DMXL2: variants seen among roughly 807,000 people sequenced by gnomAD.
The protein encoded by DMXL2 is Dmx like 2, also known as dmX-like protein 2.
A neutral mutation model predicts 331.1 loss-of-function variants in DMXL2; 103 were observed. That is an observed-to-expected ratio of 0.31 (90% confidence interval 0.27 to 0.37). The LOEUF (loss-of-function observed/expected upper bound fraction) is 0.37, where lower values mean the gene tolerates loss of function less well. Ranked by LOEUF, DMXL2 falls within the 10% of genes least tolerant of loss-of-function variation. The probability of loss-of-function intolerance (pLI) is 1.00; values close to 1 mark genes in which losing one functional copy is unlikely to be tolerated. For synonymous variants in DMXL2, 1,281 were observed against 1,252.1 expected (o/e 1.02, Z -0.49); for missense variants, 3,171 against 3,642.9 (o/e 0.87, Z 3.33).
chr15:51,589,671 G>A (rs1186440584), intron 1 of DMXL2, among the ~76,000 whole-genome samples: 1 of 152,174 alleles, frequency 6.6e-6, no homozygotes. Context: ...CAAGGCTTTT[G>A]AGCATTAGAT....
At chr15:51,593,593 C>T (rs896351396) in intron 1 of DMXL2, among the ~76,000 whole-genome samples, 9 of 152,186 alleles carry the variant, frequency 5.9e-5, no homozygotes, top group Non-Finnish European at 1.3e-4. Context: ...ACTCTCCACC[C>T]CAAATCAACA....
chr15:51,476,315 G>T (rs1445177851), intron 27 of DMXL2, among the ~76,000 whole-genome samples: 1 of 152,080 alleles, frequency 6.6e-6, no homozygotes, highest in Non-Finnish European at 1.5e-5. Flanking sequence ...TTCTAAGAAA[G>T]ATAATGTGCT....
intron 2 of DMXL2, among the ~76,000 whole-genome samples, chr15:51,570,174 A>G (rs139751177): frequency 8.9e-4 from 135 of 152,238 alleles, no homozygotes; most frequent in African/African-American, 3.1e-3. Flanking sequence ...CGAACTGATC[A>G]AGCAGAAGAA....
At chr15:51,529,845 C>T (rs1237655132) in intron 13 of DMXL2, among the ~76,000 whole-genome samples, 1 of 151,998 alleles carries the variant, frequency 6.6e-6, no homozygotes, top group African/African-American at 2.4e-5. Flanking sequence ...AATATTGATG[C>T]AAAAATCCTA....
chr15:51,488,359 T>C (rs903954588), intron 21 of DMXL2, among the ~76,000 whole-genome samples, 189 bp downstream of exon 21: 3 of 152,230 alleles, frequency 2.0e-5, no homozygotes, highest in African/African-American at 7.2e-5. Context: ...TATCAACTTT[T>C]AAAACATCCC....
intron 23 of DMXL2, among the ~76,000 whole-genome samples, chr15:51,484,369 TGCCC>T (rs2042238738): frequency 6.6e-6 from 1 of 152,182 alleles, no homozygotes; most frequent in Non-Finnish European, 1.5e-5. Flanking sequence ...CCTGAAAAAC[TGCCC>T]AGCGAGCCCA....
chr15:51,605,610 C>T lies in DMXL2; in HGVS notation c.87+16849G>A, dbSNP rs2053535376. 4.9e-5 allele frequency among the ~76,000 whole-genome samples: 2 copies of T among 40,882 alleles called. 1 individual carries two copies. Among genetic ancestry groups the T allele is most frequent in the South Asian group, 1.5e-3 (2 of 1,340 alleles). The allele number at this position is 40,882 out of a possible 152,430, so 26.8% of individuals were successfully genotyped here. A position where few individuals can be genotyped will look rare whatever the true frequency, so the allele number is the denominator to read the frequency against. The stretch of plus-strand genomic sequence containing the variant: ...GGACTGCGGACTGCAGTGGCGCAAT[C>T]TCGGCTCACTGCAAGCTCCGCTTCC... On this transcript the variant is annotated intron_variant, in intron 1 of 43. Coordinates refer to ENST00000560891, the MANE Select transcript of DMXL2 (RefSeq NM_001378457.1).
chr15:51,529,040 T>G (rs2047848466), intron 13 of DMXL2, among the ~76,000 whole-genome samples: 1 of 152,010 alleles, frequency 6.6e-6, no homozygotes, highest in South Asian at 2.1e-4. Flanking sequence ...AAAAGAAAAT[T>G]GAAAAATTTC....
intron 13 of DMXL2, among the ~76,000 whole-genome samples, chr15:51,533,053 A>C (rs1258914533): frequency 6.6e-6 from 1 of 152,238 alleles, no homozygotes; most frequent in African/African-American, 2.4e-5. Flanking sequence ...CATGGACACC[A>C]ACATTAAAAA....
chr15:51,489,658 G>GA lies in DMXL2; in HGVS notation c.4954-1014dup, dbSNP rs148816236. Among the ~76,000 whole-genome samples the GA allele has an allele frequency of 1.6e-4, 22 of 138,694 alleles. No individual in the cohort carries two copies. In the East Asian group the frequency reaches 1.6e-3, roughly 10 times the overall value. 91.0% of individuals were successfully genotyped at this position (138,694 alleles called of 152,430 possible). On this transcript the variant is annotated intron_variant, in intron 20 of 43. Transcript: ENST00000560891. ...CGACAGTGCAAGACTCTGTCTCAAA[G>GA]AAAAAAAAAAGAAAGAAAGAAAGAA...
At chr15:51,522,517 G>A (rs2047434833) in intron 13 of DMXL2, among the ~76,000 whole-genome samples, 3 of 152,108 alleles carry the variant, frequency 2.0e-5, no homozygotes, top group Admixed American at 6.6e-5. Context: ...GGTGGCAGAC[G>A]CCTGTAGTCC....
intron 28 of DMXL2, among the ~76,000 whole-genome samples, chr15:51,473,384 A>G (rs144560012): frequency 1.8e-4 from 27 of 152,332 alleles, no homozygotes; most frequent in African/African-American, 5.8e-4. Flanking sequence ...TGAACAAAAA[A>G]TCAGAAAACT....
intron 13 of DMXL2, among the ~76,000 whole-genome samples, chr15:51,533,696 G>A (rs918178041): frequency 6.6e-6 from 1 of 152,152 alleles, no homozygotes; most frequent in Non-Finnish European, 1.5e-5. Context: ...GCAGAAGATA[G>A]AAAGACTGTA....
intron 13 of DMXL2, among the ~76,000 whole-genome samples, chr15:51,532,680 A>T (rs192996794): frequency 2.0e-4 from 31 of 152,270 alleles, no homozygotes; most frequent in African/African-American, 4.1e-4. Context: ...CAAAAATTTT[A>T]AAAAAATTTT....
Position 51,474,429 on chromosome 15 carries a change from T to A in DMXL2, c.7128A>T (p.Pro2376=). 6.2e-7 allele frequency: 1 copy of A among 1,608,328 alleles called. No homozygotes were observed. The highest frequency in any genetic ancestry group is 1.3e-5 in the African/African-American group (1 of 74,794). Residue 2376 remains proline (P), a synonymous_variant, in exon 28 of 44, where the codon CCA becomes CCT. Transcript: ENST00000560891. ...CAGCAGCCCACATTCGATTATTTAATGGGTGGGCTGCAAGCCGAAATAATT... is the reference window on the plus strand; with the variant it reads ...CAGCAGCCCACATTCGATTATTTAAAGGGTGGGCTGCAAGCCGAAATAATT... ...SSELFRLAAH[P]LNNRMWAAVF...
At chr15:51,454,085 C>G (rs1008957364) in intron 40 of DMXL2, 1 of 159,192 alleles carries the variant, frequency 6.3e-6, no homozygotes, top group Non-Finnish European at 1.4e-5. Context: ...TGGTACAGAT[C>G]TGACTGAAGA....
At chr15:51,471,505 A>T in intron 28 of DMXL2, 104 bp from the exon 29 acceptor site, 2 of 1,112,994 alleles carry the variant, frequency 1.8e-6, no homozygotes, top group Non-Finnish European at 2.5e-6. Context: ...TTTTGGTCTA[A>T]ACTAAATTAC....
At chr15:51,453,521 T>A in intron 41 of DMXL2, 29 bp downstream of exon 41, 1 of 1,535,458 alleles carries the variant, frequency 6.5e-7, no homozygotes, top group Non-Finnish European at 8.9e-7. Context: ...CGTTTTTATA[T>A]TTCTTACTTT....
intron 15 of DMXL2, among the ~76,000 whole-genome samples, chr15:51,513,892 G>GT (rs2046893123): frequency 6.6e-6 from 1 of 152,054 alleles, no homozygotes; most frequent in Non-Finnish European, 1.5e-5. Context: ...AAGTTATAAA[G>GT]TTTAAACTAA....
Sources: allele counts gnomAD v4.1 joint callset (sites outside exome capture counted in the v4.1 genomes callset), GRCh38; gene constraint gnomAD v4.1.1; transcripts MANE v1.5; gene names NCBI Gene and HGNC (gene_info 2026-07-23, HGNC 2026-07-21).